AKAP13: variants seen among roughly 807,000 people sequenced by gnomAD.
AKAP13 encodes A-kinase anchor protein 13.
In AKAP13, 80 loss-of-function variants were observed where a neutral mutation model predicts 264.5. That is an observed-to-expected ratio of 0.30 (90% CI 0.25 to 0.36). The LOEUF is 0.36. Among genes scored for constraint, AKAP13 ranks in the 10% least tolerant of loss-of-function variants. The pLI, the probability that AKAP13 is intolerant of heterozygous loss-of-function variation, is 1.00. For missense variants in AKAP13, 3,712 were observed against 3,435.2 expected, an observed-to-expected ratio of 1.08 and a Z score of -2.01; for synonymous variants, 1,380 against 1,250.2, an observed-to-expected ratio of 1.10 and a Z score of -2.19.
Position 85,585,900 on chromosome 15 carries a change from C to A in AKAP13, c.4161+77C>A, listed in dbSNP as rs112530222. On this transcript the variant is annotated intron_variant, in intron 8 of 36. Coordinates refer to ENST00000394518, the MANE Select transcript of AKAP13 (RefSeq NM_007200.5). ...TGCTGTGTCTTATTTATGGCTTTGT[C>A]TTTTATTTGAGGGTAAGTGGGCAAA... 2.3e-5 allele frequency: 36 copies of A among 1,566,720 alleles called. No homozygotes were observed. The African/African-American group carries it at 4.1e-4, about 18-fold the overall frequency.
chr15:85,591,421 T>G (rs780947897), intron 8 of AKAP13, among the ~76,000 whole-genome samples: 6 of 152,196 alleles, frequency 3.9e-5, no homozygotes, highest in Non-Finnish European at 7.3e-5. Flanking sequence ...TTAGCCATTT[T>G]AAGATGTAAG....
At chr15:85,525,727 G>C (rs909145105) in intron 3 of AKAP13, among the ~76,000 whole-genome samples, 1 of 152,166 alleles carries the variant, frequency 6.6e-6, no homozygotes, top group African/African-American at 2.4e-5. Context: ...CTAAAGCTGA[G>C]ATTTGTTTTT....
intron 1 of AKAP13, among the ~76,000 whole-genome samples, chr15:85,427,227 T>C (rs2072833101): frequency 6.6e-6 from 1 of 152,104 alleles, no homozygotes; most frequent in Admixed American, 6.5e-5. Context: ...AGTGCTGGGA[T>C]TACAAGCGTG....
intron 2 of AKAP13, among the ~76,000 whole-genome samples, chr15:85,509,678 G>T (rs980832536): frequency 2.0e-5 from 3 of 152,124 alleles, no homozygotes; most frequent in Admixed American, 2.0e-4. Context: ...ATTAAATTTT[G>T]TGATATTCTC....
At chr15:85,665,164 C>CT (rs2083520763) in intron 13 of AKAP13, among the ~76,000 whole-genome samples, 1 of 152,156 alleles carries the variant, frequency 6.6e-6, no homozygotes, top group South Asian at 2.1e-4. Flanking sequence ...GATTGCACCA[C>CT]TGCACTCCAG....
At chr15:85,720,029 TC>T (rs957770346) in intron 23 of AKAP13, among the ~76,000 whole-genome samples, 1 of 151,988 alleles carries the variant, frequency 6.6e-6, no homozygotes, top group African/African-American at 2.4e-5. Flanking sequence ...AGCCAGGTGT[TC>T]AAGACTAGCC....
intron 8 of AKAP13, among the ~76,000 whole-genome samples, chr15:85,598,287 A>T (rs1198561520): frequency 6.6e-6 from 1 of 152,086 alleles, no homozygotes; most frequent in African/African-American, 2.4e-5. Flanking sequence ...TCTGGAGAGG[A>T]TGCATGATGA....
intron 5 of AKAP13, among the ~76,000 whole-genome samples, chr15:85,566,831 T>C (rs1438355822): frequency 8.6e-5 from 13 of 151,796 alleles, no homozygotes; most frequent in Admixed American, 8.5e-4. Flanking sequence ...GGTTTCCCAG[T>C]GTTAGCCAGG....
At chr15:85,457,864 G>A (rs925897265) in intron 1 of AKAP13, among the ~76,000 whole-genome samples, 1 of 152,110 alleles carries the variant, frequency 6.6e-6, no homozygotes, top group Non-Finnish European at 1.5e-5. Flanking sequence ...TAAAGAGGCC[G>A]GGTGTGGTGG....
intron 8 of AKAP13, among the ~76,000 whole-genome samples, chr15:85,632,436 G>A (rs1057392504): frequency 7.2e-5 from 11 of 152,072 alleles, no homozygotes; most frequent in African/African-American, 2.7e-4. Flanking sequence ...CCTTTGCTTC[G>A]GAAGGAAACA....
intron 1 of AKAP13, among the ~76,000 whole-genome samples, chr15:85,482,417 G>T (rs146408141): frequency 3.4e-4 from 52 of 152,256 alleles, no homozygotes; most frequent in African/African-American, 1.2e-3. Flanking sequence ...TGAAGGTAGG[G>T]ATTTTTGTCT....
chr15:85,575,311 C>T lies in AKAP13; in HGVS notation c.843C>T (p.Asn281=). Residue 281 remains asparagine (N), a synonymous_variant, in exon 6 of 37, where the codon AAC becomes AAT. Coordinates refer to ENST00000394518, the MANE Select transcript of AKAP13 (RefSeq NM_007200.5). The part of the protein sequence containing the change: ...GCTGPIFKLM[N]IQQQLMKTNL... Reference sequence around the variant, plus strand: ...CTGGACCAATTTTTAAACTTATGAACATCCAACAGCAACTAATGGTAAGTC... The same window carrying T: ...CTGGACCAATTTTTAAACTTATGAATATCCAACAGCAACTAATGGTAAGTC... 1 of 1,614,152 alleles carries T rather than the reference C, an allele frequency of 6.2e-7. No homozygotes were observed.
At chr15:85,520,831 C>G in intron 2 of AKAP13, 1 of 439,672 alleles carries the variant, frequency 2.3e-6, no homozygotes, top group Non-Finnish European at 4.5e-6. Flanking sequence ...GTGCAAACAT[C>G]ATAGCATATA....
chr15:85,631,780 C>A (rs2061819), intron 8 of AKAP13, among the ~76,000 whole-genome samples: 95,864 of 152,010 alleles, frequency 0.63, 30,387 homozygotes, highest in Middle Eastern at 0.74. Context: ...TCTTTGCAAA[C>A]TAAAGTTATT....
chr15:85,591,093 C>G (rs1334106161), intron 8 of AKAP13, among the ~76,000 whole-genome samples: 1 of 152,130 alleles, frequency 6.6e-6, no homozygotes, highest in African/African-American at 2.4e-5. Flanking sequence ...TTGAAAGAAC[C>G]TTAAAGATTT....
At position 85,650,789 on chromosome 15, in the gene AKAP13, A is replaced by AACC. The variant is rs2082793896; in HGVS notation, c.4375-4626_4375-4625insCAC. Among the ~76,000 whole-genome samples the AACC allele has an allele frequency of 7.7e-5, 9 of 116,726 alleles. No individual in the cohort carries two copies. In the South Asian group the frequency reaches 1.9e-3, roughly 24 times the overall value. 76.6% of individuals were successfully genotyped at this position (116,726 alleles called of 152,430 possible). ...AAAAAAAAAAAAAAAAAAAAAAAAAAACAACAAAAACTGCAATTGCCTGTG... is the reference window on the plus strand; with the variant it reads ...AAAAAAAAAAAAAAAAAAAAAAAAAAACCACAACAAAAACTGCAATTGCCTGTG... On this transcript the variant is annotated intron_variant, in intron 10 of 36. Transcript: ENST00000394518.
chr15:85,719,940 T>G (rs1165355923), intron 23 of AKAP13, among the ~76,000 whole-genome samples: 2 of 151,598 alleles, frequency 1.3e-5, no homozygotes, highest in Non-Finnish European at 2.9e-5. Context: ...GAAAATTATT[T>G]AAATATTTGG....
chr15:85,553,235 C>G (rs372979740), intron 5 of AKAP13, among the ~76,000 whole-genome samples: 1 of 151,466 alleles, frequency 6.6e-6, no homozygotes, highest in African/African-American at 2.4e-5. Context: ...TACGGGCACT[C>G]GCCACCATGC....
At chr15:85,499,881 T>G (rs550740225) in intron 2 of AKAP13, among the ~76,000 whole-genome samples, 52 of 152,250 alleles carry the variant, frequency 3.4e-4, no homozygotes, top group African/African-American at 1.2e-3. Flanking sequence ...TCCTTGAGGG[T>G]AGGGGCTTTG....
Sources: allele counts gnomAD v4.1 joint callset (sites outside exome capture counted in the v4.1 genomes callset), GRCh38; gene constraint gnomAD v4.1.1; transcripts MANE v1.5; gene names NCBI Gene and HGNC (gene_info 2026-07-23, HGNC 2026-07-21).